NR4A3: variants seen among roughly 807,000 people sequenced by gnomAD.
NR4A3 encodes nuclear receptor subfamily 4 group A member 3, also known as chondrosarcoma, extraskeletal myxoid, fused to EWS.
Under a neutral mutation model 55.6 loss-of-function variants are expected in NR4A3, and 13 were observed. That is an observed-to-expected ratio of 0.23 (90% CI 0.15 to 0.37). NR4A3 has a LOEUF of 0.37. Ranked by LOEUF, NR4A3 falls within the 10% of genes least tolerant of loss-of-function variation. The pLI, the probability that NR4A3 is intolerant of heterozygous loss-of-function variation, is 1.00. For missense variants in NR4A3, 646 were observed against 822.8 expected (o/e 0.79, Z 2.63); for synonymous variants, 342 against 357.9 (o/e 0.96, Z 0.50).
Position 99,833,383 on chromosome 9 carries a change from C to T in NR4A3, c.1183C>T (p.Pro395Ser). Residue 395 changes from proline to serine, a missense_variant, in exon 5 of 8, where the codon CCA becomes TCA. Around this residue, in one of 5 missense-constraint regions of NR4A3, gnomAD observed 163 missense variants for 233.0 expected, o/e 0.70. Coordinates refer to ENST00000395097, the MANE Select transcript of NR4A3 (RefSeq NM_006981.4). ...EPSQPSPPSP[P>S]ICMMNALVRA... ...TTCTCAGCCCTCTCCACCTTCTCCTCCAATCTGCATGATGAATGCCCTTGT... is the reference window on the plus strand; with the variant it reads ...TTCTCAGCCCTCTCCACCTTCTCCTTCAATCTGCATGATGAATGCCCTTGT... 1 of 1,614,148 alleles carries T rather than the reference C, an allele frequency of 6.2e-7. No homozygotes were observed. The highest frequency in any genetic ancestry group is 8.5e-7 in the Non-Finnish European group (1 of 1,179,986).
rs16918736 is a variant in NR4A3 at position 99,841,284 on chromosome 9, G to A, written c.1255-3365G>A. On this transcript the variant is annotated intron_variant, in intron 5 of 7. Transcript: ENST00000395097. ...TGGCAAGTGTCTATGACATAGGATC[G>A]TGCCGCCATGCTTCCTTCTCCTGGA... Among the ~76,000 whole-genome samples the A allele has an allele frequency of 2.4e-3, 356 of 150,600 alleles. 12 individuals carry two copies. The East Asian group carries it at 0.052, about 22-fold the overall frequency.
rs778135095 is a variant in NR4A3, at chr9:99,847,549, A to C, written c.1567A>C (p.Asn523His). ...WLDSIKDFSLNLQSLNLDIQA... is the reference protein window; with the variant it reads ...WLDSIKDFSLHLQSLNLDIQA... ...CGACTCTATTAAAGACTTTTCCTTA[A>C]ATTTGCAGAGCCTGAACCTTGATAT... The change falls in exon 7 of 8, where the codon AAT becomes CAT. Residue 523 changes from asparagine (N) to histidine (H), a missense_variant. Transcript: ENST00000395097. The C allele has an allele frequency of 6.2e-7, 1 of 1,614,040 alleles. No homozygotes were observed. The highest frequency in any genetic ancestry group is 1.7e-5 in the Admixed American group (1 of 60,004).
Position 99,828,169 on chromosome 9 carries a change from G to C in NR4A3, c.127G>C (p.Gly43Arg). The change falls in exon 3 of 8, where the codon GGC (glycine) becomes CGC (arginine). Residue 43 changes from glycine to arginine, a missense_variant. Physicochemically the swap from Gly to Arg is moderately radical, Grantham distance 125. Coordinates refer to ENST00000395097, the MANE Select transcript of NR4A3 (RefSeq NM_006981.4). This position sits in a 1 kb window ranked among gnomAD's most constrained non-coding sequence, Gnocchi z 7.7. ...CTACACCAAGCTGACCATGGACCTT[G>C]GCAGCACTGAGATCACGGCTACAGC... ...PDYTKLTMDL[G>R]STEITATATT... 6.2e-7 allele frequency: 1 copy of C among 1,614,100 alleles called. No homozygotes were observed.
At chr9:99,844,893 C>G (rs777506874) in intron 6 of NR4A3, 45 bp downstream of exon 6, 17 of 1,421,950 alleles carry the variant, frequency 1.2e-5, no homozygotes, top group African/African-American at 1.4e-5. Context: ...TTTGAAGAAG[C>G]CTGAAACCTT....
intron 7 of NR4A3, among the ~76,000 whole-genome samples, chr9:99,848,277 A>G (rs990982485): frequency 2.0e-5 from 3 of 152,234 alleles, no homozygotes; most frequent in Non-Finnish European, 4.4e-5. Context: ...AATAACTTCG[A>G]TTGGCAAAGG....
rs147364463 is a variant in NR4A3, at chr9:99,833,675, A to G, written c.1254+221A>G. On this transcript the variant is annotated intron_variant, in intron 5 of 7. Coordinates refer to ENST00000395097, the MANE Select transcript of NR4A3 (RefSeq NM_006981.4). Reference sequence around the variant, plus strand: ...AAATGCCTTAACAAGTGACCCTGACAGTGCTGCACCTGTCATACACATTGT... The same window carrying G: ...AAATGCCTTAACAAGTGACCCTGACGGTGCTGCACCTGTCATACACATTGT... The G allele has an allele frequency of 3.2e-4, 502 of 1,576,856 alleles. 2 individuals carry two copies. In the African/African-American group the frequency reaches 4.7e-3, roughly 15 times the overall value.
chr9:99,842,734 A>C (rs1288556754), intron 5 of NR4A3, among the ~76,000 whole-genome samples: 1 of 152,194 alleles, frequency 6.6e-6, no homozygotes, highest in East Asian at 1.9e-4. Flanking sequence ...CATCTCAAAA[A>C]AAAAAAAGAT....
chr9:99,833,612 T>TC (rs761435500), intron 5 of NR4A3, 158 bp downstream of exon 5: 6 of 1,599,042 alleles, frequency 3.8e-6, no homozygotes, highest in Non-Finnish European at 5.1e-6. Flanking sequence ...ATTCAGTGCA[T>TC]CCATTGCAGC....
chr9:99,842,226 C>T (rs1348401086), intron 5 of NR4A3, among the ~76,000 whole-genome samples: 1 of 151,708 alleles, frequency 6.6e-6, no homozygotes, highest in Non-Finnish European at 1.5e-5. Flanking sequence ...ACAGTAAGCA[C>T]CTAGTTGCTT....
chr9:99,826,882 G>A (rs1783129566), intron 2 of NR4A3: 3 of 1,357,700 alleles, frequency 2.2e-6, no homozygotes, highest in Admixed American at 3.6e-5. Context: ...CTCCAAAGAG[G>A]CGTTAAGCAC....
Position 99,864,239 on chromosome 9 carries a change from T to A in NR4A3, c.*372T>A. Reference sequence around the variant, plus strand: ...TTCTGGGGAATCCAATTATAGTTGCTTTGTATTTAAAAACAAGAACAGCCA... The same window carrying A: ...TTCTGGGGAATCCAATTATAGTTGCATTGTATTTAAAAACAAGAACAGCCA... On this transcript the variant is annotated 3_prime_UTR_variant, in exon 8 of 8. Transcript: ENST00000395097. 1 of 255,836 alleles carries A rather than the reference T, an allele frequency of 3.9e-6. No homozygotes were observed. The highest frequency in any genetic ancestry group is 7.7e-6 in the Non-Finnish European group (1 of 130,362). 15.8% of individuals were successfully genotyped at this position (255,836 alleles called of 1,614,324 possible). A position where few individuals can be genotyped will look rare whatever the true frequency, so the allele number is the denominator to read the frequency against.
chr9:99,857,439 C>T (rs1400207471), intron 7 of NR4A3, among the ~76,000 whole-genome samples: 1 of 152,102 alleles, frequency 6.6e-6, no homozygotes, highest in Admixed American at 6.6e-5. Context: ...AAGGCAGCTA[C>T]CATTATTAGC....
Position 99,863,999 on chromosome 9 carries a change from A to G in NR4A3, c.*132A>G. ...AAAGCAGCTCCTGTAGAAAGCAAAG[A>G]CTTTCTTTTTTTTCTGGCTCTTTTC... On this transcript the variant is annotated 3_prime_UTR_variant, in exon 8 of 8. Transcript: ENST00000395097. The G allele has an allele frequency of 1.8e-6, 2 of 1,094,106 alleles. 1 individual carries two copies. Among genetic ancestry groups the G allele is most frequent in the South Asian group, 3.2e-5 (2 of 61,672 alleles). The allele number at this position is 1,094,106 out of a possible 1,614,324, so 67.8% of individuals were successfully genotyped here. A position where few individuals can be genotyped will look rare whatever the true frequency, so the allele number is the denominator to read the frequency against.
At chr9:99,838,833 T>C (rs1289213973) in intron 5 of NR4A3, among the ~76,000 whole-genome samples, 1 of 152,242 alleles carries the variant, frequency 6.6e-6, no homozygotes, top group Non-Finnish European at 1.5e-5. Flanking sequence ...GGATGATTCT[T>C]TGGCACACTA....
At chr9:99,832,610 T>C in intron 3 of NR4A3, 79 bp from the exon 4 acceptor site, 4 of 1,229,260 alleles carry the variant, frequency 3.3e-6, no homozygotes, top group Non-Finnish European at 4.4e-6. Flanking sequence ...CTTTTCACAT[T>C]GTAATTAAAA....
chr9:99,835,082 C>T (rs1827532755), intron 5 of NR4A3: 3 of 197,748 alleles, frequency 1.5e-5, no homozygotes, highest in Non-Finnish European at 2.7e-5. Context: ...ATAGTAATAT[C>T]TACTTCCTGG....
rs190890873 is a variant in NR4A3, at chr9:99,822,799, G to A, written c.-177+392G>A. ...AGCGGCAGGGAGTTGCAGCTCCGGTGATGAACGGCAGTAATTTTCCTGCCT... is the reference window on the plus strand; with the variant it reads ...AGCGGCAGGGAGTTGCAGCTCCGGTAATGAACGGCAGTAATTTTCCTGCCT... On this transcript the variant is annotated intron_variant, in intron 1 of 7. Coordinates refer to ENST00000395097, the MANE Select transcript of NR4A3 (RefSeq NM_006981.4). The surrounding 1 kb of genome is among the most constrained non-coding windows in gnomAD (Gnocchi z 4.9). Among the ~76,000 whole-genome samples the A allele has an allele frequency of 4.6e-5, 7 of 152,314 alleles. No individual in the cohort carries two copies. The highest frequency in any genetic ancestry group is 1.7e-4 in the African/African-American group (7 of 41,566).
chr9:99,851,321 A>G (rs1011147378), intron 7 of NR4A3, among the ~76,000 whole-genome samples: 3 of 152,222 alleles, frequency 2.0e-5, no homozygotes, highest in Non-Finnish European at 2.9e-5. Flanking sequence ...ATGAGCTGCC[A>G]TGGATCTTGA....
intron 5 of NR4A3, among the ~76,000 whole-genome samples, chr9:99,842,834 T>A (rs1827679529): frequency 6.6e-6 from 1 of 152,184 alleles, no homozygotes; most frequent in South Asian, 2.1e-4. Context: ...GCTGTACCAC[T>A]ATTGGTTGTG....
Sources: gnomAD v4.1 joint callset for allele counts (sites outside exome capture counted in the v4.1 genomes callset) on GRCh38, gnomAD v4.1.1 for gene constraint, gnomAD v4.1.1 regional missense constraint, Gnocchi (gnomAD v3.1) non-coding constraint, MANE v1.5 for transcripts, NCBI Gene and HGNC (gene_info 2026-07-23, HGNC 2026-07-21) for gene names.